Variants in PKNOX2 observed in about 807,000 individuals in gnomAD.
PKNOX2 encodes homeobox protein PKNOX2.
In PKNOX2, 14 loss-of-function variants were observed where a neutral mutation model predicts 53.1. That is an observed-to-expected ratio of 0.26 (90% CI 0.17 to 0.41). PKNOX2 has a LOEUF of 0.41. Ranked by LOEUF, PKNOX2 falls within the 10% of genes least tolerant of loss-of-function variation. The probability of loss-of-function intolerance (pLI) is 1.00; values close to 1 mark genes in which losing one functional copy is unlikely to be tolerated. For synonymous variants in PKNOX2, 257 were observed against 242.8 expected (o/e 1.06, Z -0.54); for missense variants, 496 against 602.8 (o/e 0.82, Z 1.85).
intron 1 of PKNOX2, among the ~76,000 whole-genome samples, chr11:125,204,319 G>C (rs533699200): frequency 6.6e-6 from 1 of 152,332 alleles, no homozygotes; most frequent in Admixed American, 6.5e-5. Context: ...AAAGGAGCCA[G>C]CTGGGCACCG....
At chr11:125,371,479 G>T (rs1952542140) in intron 5 of PKNOX2, among the ~76,000 whole-genome samples, 1 of 152,152 alleles carries the variant, frequency 6.6e-6, no homozygotes, top group African/African-American at 2.4e-5. Context: ...AGGGGATTAG[G>T]TTGCCAGCGG....
intron 2 of PKNOX2, among the ~76,000 whole-genome samples, chr11:125,299,218 A>G (rs1947865093): frequency 6.6e-6 from 1 of 152,058 alleles, no homozygotes; most frequent in South Asian, 2.1e-4. Flanking sequence ...CCATGGGGAG[A>G]GCACCAAGCC....
At chr11:125,394,659 C>T (rs1436011532) in intron 6 of PKNOX2, among the ~76,000 whole-genome samples, 2 of 152,220 alleles carry the variant, frequency 1.3e-5, no homozygotes, top group Non-Finnish European at 2.9e-5. Flanking sequence ...TTGTTTCCAT[C>T]CCTTTTTATA....
At chr11:125,193,504 C>T (rs555009924) in intron 1 of PKNOX2, among the ~76,000 whole-genome samples, 12 of 152,234 alleles carry the variant, frequency 7.9e-5, no homozygotes, top group Admixed American at 1.3e-4. Flanking sequence ...ACAAGTTGGC[C>T]GCTTTAATTT....
At chr11:125,369,256 C>T (rs904606006) in intron 5 of PKNOX2, among the ~76,000 whole-genome samples, 5 of 152,258 alleles carry the variant, frequency 3.3e-5, no homozygotes, top group Admixed American at 6.5e-5. Context: ...AGGGACAAAA[C>T]ACAGCACCTG....
intron 1 of PKNOX2, among the ~76,000 whole-genome samples, chr11:125,167,200 G>A (rs1954947533): frequency 6.7e-6 from 1 of 149,640 alleles, no homozygotes. Context: ...GTGGGGGGTG[G>A]GAGCGGGGGG....
intron 5 of PKNOX2, among the ~76,000 whole-genome samples, chr11:125,383,094 A>G (rs577699191): frequency 9.2e-4 from 140 of 152,070 alleles, no homozygotes; most frequent in Middle Eastern, 3.4e-3. Flanking sequence ...CTCCCCCACC[A>G]CCCCTGAGTC....
intron 2 of PKNOX2, among the ~76,000 whole-genome samples, chr11:125,306,950 G>A (rs916409112): frequency 3.3e-5 from 5 of 152,194 alleles, no homozygotes; most frequent in African/African-American, 4.8e-5. Context: ...AGAGGGTGAA[G>A]AGGAGCTTTG....
intron 1 of PKNOX2, among the ~76,000 whole-genome samples, chr11:125,223,388 C>T (rs941490714): frequency 8.5e-5 from 13 of 152,206 alleles, no homozygotes; most frequent in Non-Finnish European, 1.8e-4. Flanking sequence ...CGCCACCATG[C>T]CCAGCTAACT....
intron 1 of PKNOX2, among the ~76,000 whole-genome samples, chr11:125,200,462 G>C (rs1033620229): frequency 1.3e-5 from 2 of 152,176 alleles, no homozygotes; most frequent in African/African-American, 4.8e-5. Context: ...CCAGTGATAG[G>C]TTCTGTGAAT....
At chr11:125,413,805 A>C (rs1251783856) in intron 10 of PKNOX2, among the ~76,000 whole-genome samples, 2 of 152,128 alleles carry the variant, frequency 1.3e-5, no homozygotes, top group Non-Finnish European at 2.9e-5. Flanking sequence ...ACTGTTGTGA[A>C]CATACCTACA....
intron 3 of PKNOX2, among the ~76,000 whole-genome samples, chr11:125,340,082 C>T (rs982808291): frequency 1.3e-5 from 2 of 152,148 alleles, no homozygotes; most frequent in African/African-American, 4.8e-5. Context: ...ATAATAAGAG[C>T]AAAATGCAAT....
chr11:125,340,208 A>T (rs1298139166), intron 3 of PKNOX2, among the ~76,000 whole-genome samples: 1 of 152,222 alleles, frequency 6.6e-6, no homozygotes, highest in African/African-American at 2.4e-5. Context: ...GATGTACAAA[A>T]GCCCAGGCTC....
chr11:125,312,543 G>A (rs1948877031), intron 2 of PKNOX2, among the ~76,000 whole-genome samples: 1 of 152,202 alleles, frequency 6.6e-6, no homozygotes. Flanking sequence ...GTGGTGTGTG[G>A]TGTGTTGAGG....
Position 125,421,748 on chromosome 11 carries a change from C to T in PKNOX2, c.937-7264C>T, listed in dbSNP as rs186115406. 2.3e-3 allele frequency among the ~76,000 whole-genome samples: 351 copies of T among 152,330 alleles called. 3 individuals carry two copies. The highest frequency in any genetic ancestry group is 6.8e-3 in the Middle Eastern group (2 of 294). On this transcript the variant is annotated intron_variant, in intron 10 of 12. Coordinates refer to ENST00000298282, the MANE Select transcript of PKNOX2 (RefSeq NM_001382323.2). The stretch of plus-strand genomic sequence containing the variant: ...GCATGTCACATTTTTTATGTCAGCA[C>T]ACATAGAAAATGATAGTCAAGCCAC...
At chr11:125,382,859 A>G (rs951269053) in intron 5 of PKNOX2, among the ~76,000 whole-genome samples, 1 of 152,194 alleles carries the variant, frequency 6.6e-6, no homozygotes, top group Non-Finnish European at 1.5e-5. Context: ...TTTCCCTACC[A>G]GCTTCCCGGT....
chr11:125,196,656 G>A (rs906488098), intron 1 of PKNOX2, among the ~76,000 whole-genome samples: 24 of 152,178 alleles, frequency 1.6e-4, no homozygotes, highest in African/African-American at 5.6e-4. Flanking sequence ...TTCACCTGTG[G>A]CCTTGGGCAA....
intron 4 of PKNOX2, among the ~76,000 whole-genome samples, chr11:125,354,497 A>G (rs191961589): frequency 2.8e-4 from 42 of 152,300 alleles, no homozygotes; most frequent in Non-Finnish European, 7.4e-5. Flanking sequence ...AGTCCCCCAA[A>G]TGAAAAAGGA....
chr11:125,303,619 C>T (rs915260524), intron 2 of PKNOX2, among the ~76,000 whole-genome samples: 3 of 152,214 alleles, frequency 2.0e-5, no homozygotes, highest in Non-Finnish European at 4.4e-5. Flanking sequence ...CACACTTGCC[C>T]TCCTCCTTAT....
Sources: allele counts gnomAD v4.1 joint callset (sites outside exome capture counted in the v4.1 genomes callset), GRCh38; gene constraint gnomAD v4.1.1; transcripts MANE v1.5; gene names NCBI Gene and HGNC (gene_info 2026-07-23, HGNC 2026-07-21).